Variants in COPS2 observed in about 807,000 individuals in gnomAD.
COPS2 encodes the protein COP9 signalosome subunit 2.
In COPS2, 10 loss-of-function variants were observed where a neutral mutation model predicts 66.1. The observed-to-expected ratio is 0.15, with a 90% CI of 0.09 to 0.26. The LOEUF is 0.26. COPS2 is among the 10% of genes least tolerant of loss of function. COPS2 has a pLI of 1.00. For missense variants in COPS2, 215 were observed against 513.3 expected, an observed-to-expected ratio of 0.42 and a Z score of 5.62; for synonymous variants, 179 against 171.3, an observed-to-expected ratio of 1.04 and a Z score of -0.35.
intron 1 of COPS2, among the ~76,000 whole-genome samples, chr15:49,151,305 CAGG>C (rs1474489901): frequency 1.3e-5 from 2 of 150,426 alleles, no homozygotes; most frequent in African/African-American, 4.9e-5. Context: ...GAGGTTGAGG[CAGG>C]AGAATTGCTT....
intron 1 of COPS2, among the ~76,000 whole-genome samples, chr15:49,147,485 G>A (rs1566886074): frequency 6.6e-6 from 1 of 152,040 alleles, no homozygotes; most frequent in East Asian, 1.9e-4. Flanking sequence ...TAGTATTTTG[G>A]AGCTTCCCAG....
intron 1 of COPS2, among the ~76,000 whole-genome samples, chr15:49,149,088 A>C (rs1221983348): frequency 6.6e-6 from 1 of 152,230 alleles, no homozygotes; most frequent in Non-Finnish European, 1.5e-5. Flanking sequence ...TATGAAAAAT[A>C]ATCAAGCACT....
intron 1 of COPS2, among the ~76,000 whole-genome samples, chr15:49,155,172 AG>A (rs1428290227): frequency 6.6e-6 from 1 of 152,252 alleles, no homozygotes; most frequent in African/African-American, 2.4e-5. Context: ...GGGCAAAGCC[AG>A]GGCCTACACC....
chr15:49,149,665 T>A (rs890731967), intron 1 of COPS2, among the ~76,000 whole-genome samples: 1 of 152,232 alleles, frequency 6.6e-6, no homozygotes, highest in Non-Finnish European at 1.5e-5. Flanking sequence ...ATATCTGGAA[T>A]GTCGCTACTG....
rs2084137836 is a variant in COPS2, at chr15:49,123,170, C to T, written c.*4780G>A. On this transcript the variant is annotated 3_prime_UTR_variant, in exon 13 of 13. Coordinates refer to ENST00000388901, the MANE Select transcript of COPS2 (RefSeq NM_004236.4). ...CAAACATTTGAACAGAAATTAGATA[C>T]TCAACACTTGGCATTAATATGTTGC... 4 of 152,298 alleles carry T rather than the reference C, an allele frequency of 2.6e-5. No individual in the cohort carries two copies. The South Asian group carries it at 8.3e-4, about 32-fold the overall frequency. 9.4% of individuals were successfully genotyped at this position (152,298 alleles called of 1,614,324 possible).
At chr15:49,151,805 CTT>C (rs1279298178) in intron 1 of COPS2, among the ~76,000 whole-genome samples, 16 of 132,500 alleles carry the variant, frequency 1.2e-4, no homozygotes, top group African/African-American at 1.1e-4. Flanking sequence ...ATATTCGTTT[CTT>C]TTTTTTTTTT....
chr15:49,151,332 G>A lies in COPS2; in HGVS notation c.54+4193C>T, dbSNP rs1021969152. Among the ~76,000 whole-genome samples, 11 of 151,474 alleles carry A rather than the reference G, an allele frequency of 7.3e-5. 1 individual carries two copies. Among genetic ancestry groups the A allele is most frequent in the South Asian group, 4.2e-4 (2 of 4,790 alleles). On this transcript the variant is annotated intron_variant, in intron 1 of 12. Coordinates refer to ENST00000388901, the MANE Select transcript of COPS2 (RefSeq NM_004236.4). ...GGAGAATTGCTTGAACCCAGAAGGTGGAGGTTGCAGTGAGCCGAGATCATG... is the reference window on the plus strand; with the variant it reads ...GGAGAATTGCTTGAACCCAGAAGGTAGAGGTTGCAGTGAGCCGAGATCATG...
At chr15:49,137,019 T>G (rs2141126730) in intron 6 of COPS2, 131 bp downstream of exon 6, 4 of 654,790 alleles carry the variant, frequency 6.1e-6, no homozygotes. Context: ...TTTTATAACT[T>G]ATTTTCTAAA....
intron 3 of COPS2, among the ~76,000 whole-genome samples, chr15:49,142,878 C>T (rs2084297750): frequency 6.6e-6 from 1 of 150,996 alleles, no homozygotes; most frequent in African/African-American, 2.4e-5. Context: ...ATTATAACAA[C>T]GAATAACACA....
intron 4 of COPS2, among the ~76,000 whole-genome samples, 173 bp from the exon 5 acceptor site, chr15:49,137,610 AGACCAAATTTACAAGTACCAT>A (rs1371528393): frequency 6.6e-6 from 1 of 152,226 alleles, no homozygotes. Context: ...AGCAAAATAC[AGACCAAATTTACAAGTACCAT>A]GATGCGTTGT....
intron 4 of COPS2, 70 bp downstream of exon 4, chr15:49,139,458 T>C (rs1410276781): frequency 3.2e-6 from 4 of 1,260,952 alleles, no homozygotes; most frequent in Non-Finnish European, 3.4e-6. Flanking sequence ...TTTCCATCTA[T>C]AAAGAACAAA....
In COPS2 at chr15:49,123,808, C is replaced by T. The variant is rs964283596; in HGVS notation, c.*4142G>A. 2 of 151,962 alleles carry T rather than the reference C, an allele frequency of 1.3e-5. No individual in the cohort carries two copies. The highest frequency in any genetic ancestry group is 2.9e-5 in the Non-Finnish European group (2 of 68,008). The allele number at this position is 151,962 out of a possible 1,614,324, so 9.4% of individuals were successfully genotyped here. A position where few individuals can be genotyped will look rare whatever the true frequency, so the allele number is the denominator to read the frequency against. ...GTAAAAAAGTAAAATTTTAGAGAACCACACACTGGTTTCTTCTGAGACATT... is the reference window on the plus strand; with the variant it reads ...GTAAAAAAGTAAAATTTTAGAGAACTACACACTGGTTTCTTCTGAGACATT... On this transcript the variant is annotated 3_prime_UTR_variant, in exon 13 of 13. Transcript: ENST00000388901.
rs1008258284 is a variant in COPS2, at chr15:49,125,579, T to C, written c.*2371A>G. 2.6e-5 allele frequency: 4 copies of C among 152,146 alleles called. No individual in the cohort carries two copies. Among genetic ancestry groups the C allele is most frequent in the African/African-American group, 9.6e-5 (4 of 41,464 alleles). 9.4% of individuals were successfully genotyped at this position (152,146 alleles called of 1,614,324 possible). ...ATTTCGATAAGCAATCTCTAAGATT[T>C]CAACTCTACAATATTTGATGCACAA... On this transcript the variant is annotated 3_prime_UTR_variant, in exon 13 of 13. Coordinates refer to ENST00000388901, the MANE Select transcript of COPS2 (RefSeq NM_004236.4).
At chr15:49,135,140 T>A (rs1286849111) in intron 6 of COPS2, among the ~76,000 whole-genome samples, 1 of 152,176 alleles carries the variant, frequency 6.6e-6, no homozygotes, top group Non-Finnish European at 1.5e-5. Flanking sequence ...TCTCTCAAAA[T>A]ATCTTATTTT....
rs1443716289 is a variant in COPS2, at chr15:49,123,698, G to T, written c.*4252C>A. The stretch of plus-strand genomic sequence containing the variant: ...AATTTTTTCTTTTTTCCTGTCACAG[G>T]GTTTTAAGGTACACTTGGCATATAC... On this transcript the variant is annotated 3_prime_UTR_variant, in exon 13 of 13. Transcript: ENST00000388901. The T allele has an allele frequency of 6.6e-6, 1 of 152,006 alleles. No homozygotes were observed. The highest frequency in any genetic ancestry group is 1.5e-5 in the Non-Finnish European group (1 of 68,004). 9.4% of individuals were successfully genotyped at this position (152,006 alleles called of 1,614,324 possible).
intron 1 of COPS2, among the ~76,000 whole-genome samples, chr15:49,154,085 C>G (rs945838908): frequency 6.6e-6 from 1 of 151,954 alleles, no homozygotes; most frequent in African/African-American, 2.4e-5. Flanking sequence ...TGATGGATAT[C>G]CTAAATACCG....
intron 1 of COPS2, among the ~76,000 whole-genome samples, chr15:49,147,306 C>T (rs1050338356): frequency 1.3e-5 from 2 of 151,980 alleles, no homozygotes; most frequent in Admixed American, 1.3e-4. Context: ...CAGCCTTGAA[C>T]CTGGAAGTAA....
At chr15:49,141,369 C>T (rs1198999699) in intron 3 of COPS2, among the ~76,000 whole-genome samples, 6 of 151,986 alleles carry the variant, frequency 3.9e-5, no homozygotes, top group African/African-American at 7.3e-5. Flanking sequence ...TGGTGGCATG[C>T]GCCTGTAGTC....
At chr15:49,150,116 T>C (rs1247528355) in intron 1 of COPS2, among the ~76,000 whole-genome samples, 2 of 151,740 alleles carry the variant, frequency 1.3e-5, no homozygotes, top group African/African-American at 2.4e-5. Context: ...GGAGAAACCC[T>C]GTCTCTACTA....
Sources: gnomAD v4.1 joint callset for allele counts (sites outside exome capture counted in the v4.1 genomes callset) on GRCh38, gnomAD v4.1.1 for gene constraint, MANE v1.5 for transcripts, NCBI Gene and HGNC (gene_info 2026-07-23, HGNC 2026-07-21) for gene names.